Variants in ASTN2 observed in about 807,000 individuals in gnomAD.
ASTN2 encodes the protein astrotactin 2.
Under a neutral mutation model 139.8 loss-of-function variants are expected in ASTN2, and 54 were observed. The ratio of observed to expected loss-of-function variants is 0.39; its 90% confidence interval spans 0.31 to 0.48. ASTN2 has a LOEUF of 0.48. Among genes scored for constraint, ASTN2 ranks in the 20% least tolerant of loss-of-function variants. The pLI is 0.95. For synonymous variants in ASTN2, 756 were observed against 719.5 expected (o/e 1.05, Z -0.81); for missense variants, 1,565 against 1,725.1 (o/e 0.91, Z 1.64).
chr9:116,552,159 A>C (rs745755456), intron 19 of ASTN2: 3 of 151,992 alleles, frequency 2.0e-5, no homozygotes, highest in African/African-American at 7.2e-5. Flanking sequence ...AACACTAAAG[A>C]CTCTACAACT....
rs191458033 is a variant in ASTN2 at position 116,808,348 on chromosome 9, G to A, written c.2208-2528C>T. Among the ~76,000 whole-genome samples the A allele has an allele frequency of 3.6e-3, 539 of 151,164 alleles. 1 individual carries two copies. The highest frequency in any genetic ancestry group is 6.3e-3 in the South Asian group (30 of 4,778). On this transcript the variant is annotated intron_variant, in intron 12 of 22. Coordinates refer to ENST00000313400, the MANE Select transcript of ASTN2 (RefSeq NM_001365068.1). Reference sequence around the variant, plus strand: ...ACAGAAACATTTCTTTGAATCTGTCGACTAAATTGGGGGGATTTATATAAA... The same window carrying A: ...ACAGAAACATTTCTTTGAATCTGTCAACTAAATTGGGGGGATTTATATAAA...
intron 10 of ASTN2, among the ~76,000 whole-genome samples, chr9:116,948,799 T>G (rs1357432693): frequency 6.3e-5 from 8 of 127,070 alleles, no homozygotes; most frequent in South Asian, 2.8e-4. Flanking sequence ...TTTTTTTTTT[T>G]TTTTTTTTTT....
chr9:116,574,272 A>C (rs1031759523), intron 19 of ASTN2, among the ~76,000 whole-genome samples: 15 of 152,372 alleles, frequency 9.8e-5, no homozygotes, highest in East Asian at 1.9e-4. Flanking sequence ...TACAAAACAG[A>C]CAGCCAGCCC....
Position 117,326,168 on chromosome 9 carries a change from G to GT in ASTN2, c.443-34656dup, listed in dbSNP as rs904084467. ...TTTTTCTCACTTTGGAAACTTCTCT[G>GT]TTTTTTTTTTAATTTAACAAAATAT... is the stretch of plus-strand genomic sequence containing the variant. On this transcript the variant is annotated intron_variant, in intron 1 of 22. Transcript: ENST00000313400. 1.6e-3 allele frequency among the ~76,000 whole-genome samples: 235 copies of GT among 149,146 alleles called. 1 individual carries two copies. Among genetic ancestry groups the GT allele is most frequent in the African/African-American group, 4.1e-3 (165 of 40,714 alleles).
rs769731004 is a variant in ASTN2, at chr9:116,845,365, C to T, written c.2040+18218G>A. 2.0e-5 allele frequency among the ~76,000 whole-genome samples: 3 copies of T among 152,272 alleles called. No homozygotes were observed. The East Asian group carries it at 5.8e-4, about 29-fold the overall frequency. On this transcript the variant is annotated intron_variant, in intron 11 of 22. Coordinates refer to ENST00000313400, the MANE Select transcript of ASTN2 (RefSeq NM_001365068.1). The stretch of plus-strand genomic sequence containing the variant: ...CGGTCTCCTGACCTCGTGATCCGCC[C>T]GCCTCGGCCTCCCAAACGTACCATT...
At chr9:117,369,567 T>C (rs2130910584) in intron 1 of ASTN2, among the ~76,000 whole-genome samples, 1 of 152,264 alleles carries the variant, frequency 6.6e-6, no homozygotes, top group Admixed American at 6.5e-5. Context: ...ACATATTATA[T>C]GATCTTAAAG....
At chr9:116,635,629 T>C (rs1857037912) in intron 17 of ASTN2, among the ~76,000 whole-genome samples, 1 of 152,182 alleles carries the variant, frequency 6.6e-6, no homozygotes, top group Admixed American at 6.5e-5. Flanking sequence ...TAACATGTAC[T>C]ACCCTACCTC....
chr9:117,193,009 C>G (rs568932152), intron 3 of ASTN2, among the ~76,000 whole-genome samples: 1 of 152,230 alleles, frequency 6.6e-6, no homozygotes, highest in Admixed American at 6.5e-5. Flanking sequence ...AAGACTATTC[C>G]CTATTTTGCT....
rs147419730 is a variant in ASTN2 at position 117,315,304 on chromosome 9, G to A, written c.443-23791C>T. On this transcript the variant is annotated intron_variant, in intron 1 of 22. Coordinates refer to ENST00000313400, the MANE Select transcript of ASTN2 (RefSeq NM_001365068.1). ...TGTAATTCTCAGCAATGACACAGCC[G>A]TGCCTATTTTCCAGTTTCCTTTAAG... Among the ~76,000 whole-genome samples, 704 of 152,262 alleles carry A rather than the reference G, an allele frequency of 4.6e-3. 4 individuals carry two copies. The highest frequency in any genetic ancestry group is 0.016 in the African/African-American group (660 of 41,544).
At chr9:117,128,978 A>G (rs967018134) in intron 4 of ASTN2, among the ~76,000 whole-genome samples, 2 of 152,176 alleles carry the variant, frequency 1.3e-5, no homozygotes, top group Non-Finnish European at 2.9e-5. Context: ...TGATTCATTT[A>G]TCTCCCACCA....
chr9:116,694,201 A>G (rs1293548316), intron 16 of ASTN2, among the ~76,000 whole-genome samples: 2 of 152,124 alleles, frequency 1.3e-5, no homozygotes, highest in Non-Finnish European at 2.9e-5. Flanking sequence ...AAGCTTTTCA[A>G]TTGAAGGAGG....
intron 11 of ASTN2, among the ~76,000 whole-genome samples, chr9:116,825,393 G>A (rs1345315771): frequency 6.6e-6 from 1 of 152,048 alleles, no homozygotes; most frequent in Non-Finnish European, 1.5e-5. Context: ...AATTGAATAG[G>A]GATATATAAA....
chr9:117,167,429 T>C (rs1404303590), intron 3 of ASTN2, among the ~76,000 whole-genome samples: 1 of 152,118 alleles, frequency 6.6e-6, no homozygotes, highest in East Asian at 1.9e-4. Context: ...CCTAAAACCA[T>C]TATCTTCTTC....
At chr9:117,286,929 C>T (rs541818931) in intron 2 of ASTN2, among the ~76,000 whole-genome samples, 10 of 152,240 alleles carry the variant, frequency 6.6e-5, no homozygotes, top group Non-Finnish European at 1.2e-4. Flanking sequence ...AGCACACAGA[C>T]TCTCAGTTTG....
intron 3 of ASTN2, among the ~76,000 whole-genome samples, chr9:117,155,033 C>A (rs1165067681): frequency 6.6e-6 from 1 of 151,866 alleles, no homozygotes; most frequent in Non-Finnish European, 1.5e-5. Context: ...GGAAGAGGAG[C>A]AAAAGAAGAG....
At chr9:117,326,585 C>A (rs978583630) in intron 1 of ASTN2, among the ~76,000 whole-genome samples, 1 of 152,150 alleles carries the variant, frequency 6.6e-6, no homozygotes, top group Non-Finnish European at 1.5e-5. Context: ...GCTTAATACA[C>A]AAGGGACTAA....
At chr9:116,747,978 G>A (rs150931862) in intron 13 of ASTN2, among the ~76,000 whole-genome samples, 134 of 152,178 alleles carry the variant, frequency 8.8e-4, no homozygotes, top group African/African-American at 3.2e-3. Context: ...GTGTGTATTA[G>A]CACTGGGATC....
intron 10 of ASTN2, among the ~76,000 whole-genome samples, chr9:116,899,192 C>T (rs1833946889): frequency 6.6e-6 from 1 of 152,190 alleles, no homozygotes. Flanking sequence ...AGGCATTCCA[C>T]AATGACAACA....
chr9:117,352,886 C>A (rs1173634301), intron 1 of ASTN2, among the ~76,000 whole-genome samples: 1 of 152,106 alleles, frequency 6.6e-6, no homozygotes, highest in Admixed American at 6.5e-5. Flanking sequence ...CTTTAAGACA[C>A]TAGGCTAAGT....
Sources: gnomAD v4.1 joint callset for allele counts (sites outside exome capture counted in the v4.1 genomes callset) on GRCh38, gnomAD v4.1.1 for gene constraint, MANE v1.5 for transcripts, NCBI Gene and HGNC (gene_info 2026-07-23, HGNC 2026-07-21) for gene names.